The following AUTS2 variants were observed in gnomAD, a reference collection of about 807,000 sequenced individuals.
AUTS2 encodes activator of transcription and developmental regulator AUTS2.
Under a neutral mutation model 112.4 loss-of-function variants are expected in AUTS2, and 17 were observed. The ratio of observed to expected loss-of-function variants is 0.15; its 90% CI spans 0.10 to 0.23. AUTS2 has a LOEUF of 0.23. Among genes scored for constraint, AUTS2 ranks in the 10% least tolerant of loss-of-function variants. The pLI is 1.00. For missense variants in AUTS2, 1,510 were observed against 1,701.6 expected, an observed-to-expected ratio of 0.89 and a Z score of 1.98; for synonymous variants, 751 against 702.7, an observed-to-expected ratio of 1.07 and a Z score of -1.09.
At position 69,772,324 on chromosome 7, in the gene AUTS2, T is replaced by G. The variant is rs1006041993; in HGVS notation, c.310-126962T>G. On this transcript the variant is annotated intron_variant, in intron 1 of 18. Transcript: ENST00000342771. ...GCCCTATAATCTTAAGTGTTTTTTC[T>G]GATGTTGGATTCATTCCTTCTCTTA... Among the ~76,000 whole-genome samples, 8 of 152,392 alleles carry G rather than the reference T, an allele frequency of 5.2e-5. 1 individual carries two copies. Among genetic ancestry groups the G allele is most frequent in the Admixed American group, 4.6e-4 (7 of 15,312 alleles).
At chr7:70,664,699 G>A (rs1411427217) in intron 5 of AUTS2, among the ~76,000 whole-genome samples, 1 of 152,170 alleles carries the variant, frequency 6.6e-6, no homozygotes, top group African/African-American at 2.4e-5. Flanking sequence ...ATGGCACAGA[G>A]ACACCATGGA....
intron 4 of AUTS2, among the ~76,000 whole-genome samples, chr7:70,162,184 C>T (rs1383858062): frequency 2.0e-5 from 3 of 151,938 alleles, no homozygotes; most frequent in Non-Finnish European, 2.9e-5. Flanking sequence ...CGGTGGCTCA[C>T]GCCTGTAATC....
chr7:70,049,907 A>C (rs1313639873), intron 2 of AUTS2, among the ~76,000 whole-genome samples: 1 of 152,170 alleles, frequency 6.6e-6, no homozygotes, highest in Non-Finnish European at 1.5e-5. Flanking sequence ...AAGATATGAT[A>C]TATGAAGATA....
intron 1 of AUTS2, among the ~76,000 whole-genome samples, chr7:69,670,348 A>G (rs1227121272): frequency 5.3e-5 from 8 of 152,084 alleles, no homozygotes; most frequent in Non-Finnish European, 1.0e-4. Context: ...CCTTTCTCAA[A>G]CATTAAATTT....
chr7:70,489,445 A>G (rs958127249), intron 5 of AUTS2, among the ~76,000 whole-genome samples: 3 of 152,212 alleles, frequency 2.0e-5, no homozygotes, highest in African/African-American at 4.8e-5. Flanking sequence ...TTTTCTGTGT[A>G]AAGGTATTGC....
At chr7:70,399,700 G>C (rs911900640) in intron 4 of AUTS2, among the ~76,000 whole-genome samples, 3 of 151,464 alleles carry the variant, frequency 2.0e-5, no homozygotes, top group African/African-American at 7.3e-5. Context: ...CAGCAATGAA[G>C]GTAATTATTA....
chr7:69,943,856 A>C (rs1442139210), intron 2 of AUTS2, among the ~76,000 whole-genome samples: 1 of 152,224 alleles, frequency 6.6e-6, no homozygotes, highest in Non-Finnish European at 1.5e-5. Flanking sequence ...ATTTTGAAGC[A>C]GGTTTTAGCA....
chr7:69,619,686 C>T (rs1332216199), intron 1 of AUTS2, among the ~76,000 whole-genome samples: 1 of 152,150 alleles, frequency 6.6e-6, no homozygotes. Context: ...CCCCGTCTGC[C>T]CACTCATTCA....
intron 1 of AUTS2, among the ~76,000 whole-genome samples, chr7:69,684,729 G>A (rs1254408221): frequency 6.6e-6 from 1 of 152,184 alleles, no homozygotes; most frequent in African/African-American, 2.4e-5. Flanking sequence ...TGTGGAATAT[G>A]TATTTTGATT....
chr7:70,488,737 TTCAGCCTTCCTAAA>T (rs1164662448), intron 5 of AUTS2, among the ~76,000 whole-genome samples: 1 of 152,156 alleles, frequency 6.6e-6, no homozygotes, highest in Non-Finnish European at 1.5e-5. Flanking sequence ...GGGAGGACCT[TTCAGCCTTCCTAAA>T]TAGCCTAAGG....
intron 5 of AUTS2, among the ~76,000 whole-genome samples, chr7:70,494,950 T>C (rs1018193893): frequency 3.3e-5 from 5 of 152,144 alleles, no homozygotes; most frequent in African/African-American, 9.7e-5. Context: ...CCTGTTTCCA[T>C]GGTGACACTG....
intron 5 of AUTS2, among the ~76,000 whole-genome samples, chr7:70,581,486 A>T (rs1054497314): frequency 2.6e-5 from 4 of 152,182 alleles, no homozygotes; most frequent in Non-Finnish European, 4.4e-5. Context: ...TAAGCCAGTG[A>T]GTTCTAGGCT....
chr7:70,335,747 A>T (rs369725201), intron 4 of AUTS2, among the ~76,000 whole-genome samples: 4 of 152,362 alleles, frequency 2.6e-5, no homozygotes, highest in African/African-American at 9.6e-5. Flanking sequence ...TTTGACTTCT[A>T]AGTTTTTTCC....
chr7:69,644,868 A>G (rs937329045), intron 1 of AUTS2, among the ~76,000 whole-genome samples: 1 of 152,052 alleles, frequency 6.6e-6, no homozygotes, highest in Non-Finnish European at 1.5e-5. Flanking sequence ...GAACCAAGAA[A>G]ATCTCACCAT....
intron 2 of AUTS2, among the ~76,000 whole-genome samples, chr7:70,108,869 C>T (rs530419095): frequency 2.5e-4 from 38 of 150,972 alleles, no homozygotes; most frequent in African/African-American, 9.0e-4. Context: ...GAACCTGCCT[C>T]GGCTTCCGAA....
At chr7:70,145,515 C>A (rs145041510) in intron 4 of AUTS2, among the ~76,000 whole-genome samples, 1 of 152,098 alleles carries the variant, frequency 6.6e-6, no homozygotes, top group East Asian at 1.9e-4. Flanking sequence ...AAAGGATATG[C>A]TATAAAAGAA....
intron 2 of AUTS2, among the ~76,000 whole-genome samples, chr7:70,075,124 G>C (rs1479271666): frequency 6.6e-6 from 1 of 152,184 alleles, no homozygotes; most frequent in Admixed American, 6.5e-5. Context: ...CTTCTGCTTA[G>C]AGGAGCTGGC....
At chr7:69,925,106 T>C (rs1795956104) in intron 2 of AUTS2, among the ~76,000 whole-genome samples, 1 of 152,204 alleles carries the variant, frequency 6.6e-6, no homozygotes, top group Admixed American at 6.5e-5. Flanking sequence ...TTTATATCTA[T>C]AGAATCTATG....
At chr7:70,490,226 C>T (rs189442978) in intron 5 of AUTS2, among the ~76,000 whole-genome samples, 2 of 152,060 alleles carry the variant, frequency 1.3e-5, no homozygotes, top group Admixed American at 6.5e-5. Context: ...AAAGCCAAAA[C>T]ATGGTTCTTT....
Sources: gnomAD v4.1 joint callset for allele counts (sites outside exome capture counted in the v4.1 genomes callset) on GRCh38, gnomAD v4.1.1 for gene constraint, MANE v1.5 for transcripts, NCBI Gene and HGNC (gene_info 2026-07-23, HGNC 2026-07-21) for gene names.